Variants in PCDHGA10 observed in about 807,000 individuals in gnomAD.
PCDHGA10 encodes protocadherin gamma subfamily A, 10.
In PCDHGA10, 42 loss-of-function variants were observed where a neutral mutation model predicts 59.5. The observed-to-expected ratio is 0.71, with a 90% CI of 0.55 to 0.91. The LOEUF is 0.91. Among genes scored for constraint, PCDHGA10 ranks in the 40% least tolerant of loss-of-function variants. PCDHGA10 has a pLI of 0.00. For synonymous variants in PCDHGA10, 511 were observed against 517.2 expected, an observed-to-expected ratio of 0.99 and a Z score of 0.16; for missense variants, 1,111 against 1,198.2, an observed-to-expected ratio of 0.93 and a Z score of 1.07.
intron 1 of PCDHGA10, among the ~76,000 whole-genome samples, chr5:141,452,542 C>T (rs2098743637): frequency 6.6e-6 from 1 of 152,180 alleles, no homozygotes; most frequent in Admixed American, 6.6e-5. Flanking sequence ...CATATTGATA[C>T]CTCCAGTTCT....
Position 141,491,498 on chromosome 5 carries a change from C to G in PCDHGA10, c.2437-3309C>G. Reference sequence around the variant, plus strand: ...TCCAGCCCCAACCTGCAGGTGAGCTCGGACGGCACGCTCAAGTACATGGAG... The same window carrying G: ...TCCAGCCCCAACCTGCAGGTGAGCTGGGACGGCACGCTCAAGTACATGGAG... On this transcript the variant is annotated intron_variant, in intron 1 of 3. Transcript: ENST00000398610. The surrounding 1 kb of genome is among the most constrained non-coding windows in gnomAD (Gnocchi z 6.9). The G allele has an allele frequency of 6.2e-7, 1 of 1,614,102 alleles. No homozygotes were observed. Among genetic ancestry groups the G allele is most frequent in the Non-Finnish European group, 8.5e-7 (1 of 1,180,018 alleles).
chr5:141,474,093 C>G (rs2099341169), intron 1 of PCDHGA10, among the ~76,000 whole-genome samples: 1 of 152,098 alleles, frequency 6.6e-6, no homozygotes, highest in African/African-American at 2.4e-5. Flanking sequence ...AAAAAACAAA[C>G]AACAACAAAA....
intron 1 of PCDHGA10, chr5:141,440,587 A>G (rs566819394): frequency 1.3e-5 from 2 of 152,392 alleles, no homozygotes; most frequent in East Asian, 3.9e-4. Flanking sequence ...CCCAGCTGGA[A>G]CAAGATTTGC....
intron 1 of PCDHGA10, chr5:141,428,232 G>C (rs546567556): frequency 9.3e-7 from 1 of 1,071,494 alleles, no homozygotes; most frequent in African/African-American, 1.5e-5. Context: ...CAGACAGCCT[G>C]CAGGAGGCAC....
intron 1 of PCDHGA10, among the ~76,000 whole-genome samples, chr5:141,448,086 T>TA (rs558292628): frequency 0.011 from 1,579 of 146,268 alleles, 11 homozygotes; most frequent in Non-Finnish European, 0.016. Context: ...AATGCCATCT[T>TA]AAAAAAAAAA....
rs773893751 is a variant in PCDHGA10 at position 141,431,903 on chromosome 5, G to A, written c.2436+16292G>A. 2 of 1,613,916 alleles carry A rather than the reference G, an allele frequency of 1.2e-6. No individual in the cohort carries two copies. Among genetic ancestry groups the A allele is most frequent in the South Asian group, 2.2e-5 (2 of 91,080 alleles). ...CCAAGATTCTGAGGAAAACGGACAG[G>A]TGATCTGTTTCATCCAAGGAAATCT... On this transcript the variant is annotated intron_variant, in intron 1 of 3. Transcript: ENST00000398610. The surrounding 1 kb of genome is among the most constrained non-coding windows in gnomAD (Gnocchi z 4.8).
In PCDHGA10 at chr5:141,415,315, G is replaced by T. The variant is rs201784236; in HGVS notation, c.2140G>T (p.Val714Leu). 8.7e-6 allele frequency: 14 copies of T among 1,614,208 alleles called. No individual in the cohort carries two copies. Among genetic ancestry groups the T allele is most frequent in the African/African-American group, 4.0e-5 (3 of 75,066 alleles). Residue 714 changes from valine to leucine, a missense_variant, in exon 1 of 4, where the codon GTG (valine) becomes TTG (leucine). By Grantham distance (32) the Val-to-Leu change is conservative. Coordinates refer to ENST00000398610, the MANE Select transcript of PCDHGA10 (RefSeq NM_018913.3). ...CTGCGTCTTCCTGGCCTTCGTCATC[G>T]TGCTGCTGGCGCACAGGCTGCGGCG... ...VSCVFLAFVI[V>L]LLAHRLRRWH...
In PCDHGA10 at chr5:141,441,877, C is replaced by T. The variant is rs945298341; in HGVS notation, c.2436+26266C>T. ...GCTGCACGCCGCGGAGCCTGGCTACCTGGTCACCAAGGTGGTGGCTGTAGA... is the reference window on the plus strand; with the variant it reads ...GCTGCACGCCGCGGAGCCTGGCTACTTGGTCACCAAGGTGGTGGCTGTAGA... On this transcript the variant is annotated intron_variant, in intron 1 of 3. Transcript: ENST00000398610. 4 of 343,582 alleles carry T rather than the reference C, an allele frequency of 1.2e-5. No homozygotes were observed. In the Admixed American group the frequency reaches 1.6e-4, roughly 13 times the overall value. 21.3% of individuals were successfully genotyped at this position (343,582 alleles called of 1,614,324 possible).
At chr5:141,494,759 C>G (rs776923097) in intron 1 of PCDHGA10, 48 bp from the exon 2 acceptor site, 2 of 1,613,886 alleles carry the variant, frequency 1.2e-6, no homozygotes, top group Middle Eastern at 1.6e-4. Flanking sequence ...GGGTGACATT[C>G]TAACTTCTCA....
Position 141,487,501 on chromosome 5 carries a change from T to A in PCDHGA10, c.2437-7306T>A. 1 of 1,614,232 alleles carries A rather than the reference T, an allele frequency of 6.2e-7. No individual in the cohort carries two copies. Among genetic ancestry groups the A allele is most frequent in the Non-Finnish European group, 8.5e-7 (1 of 1,180,036 alleles). On this transcript the variant is annotated intron_variant, in intron 1 of 3. Transcript: ENST00000398610. This position sits in a 1 kb window ranked among gnomAD's most constrained non-coding sequence, Gnocchi z 5.0. ...ACTCTCATGGCTGTACACCCTTGGC[T>A]TCTGCACCCACTCGGAGTGATAGCT...
At chr5:141,427,659 G>A (rs546743297) in intron 1 of PCDHGA10, 3 of 742,336 alleles carry the variant, frequency 4.0e-6, no homozygotes, top group East Asian at 5.3e-5. Context: ...CGTGGTCCAC[G>A]TGGCCGAAAA....
chr5:141,460,092 T>C (rs186695697), intron 1 of PCDHGA10, among the ~76,000 whole-genome samples: 37 of 152,056 alleles, frequency 2.4e-4, no homozygotes, highest in Admixed American at 9.8e-4. Context: ...ATAATAATTA[T>C]ACATGTAATT....
intron 1 of PCDHGA10, among the ~76,000 whole-genome samples, chr5:141,436,175 A>G (rs1263518258): frequency 1.3e-5 from 2 of 152,192 alleles, no homozygotes; most frequent in Non-Finnish European, 2.9e-5. Flanking sequence ...CAGTTCTCAT[A>G]TATAGTCAAA....
In PCDHGA10 at chr5:141,450,548, G is replaced by A. The variant is rs186010209; in HGVS notation, c.2436+34937G>A. 3.3e-4 allele frequency among the ~76,000 whole-genome samples: 50 copies of A among 151,716 alleles called. 1 individual carries two copies. Among genetic ancestry groups the A allele is most frequent in the African/African-American group, 9.9e-4 (41 of 41,366 alleles). On this transcript the variant is annotated intron_variant, in intron 1 of 3. Transcript: ENST00000398610. ...GTCACCCAGGCTGGAATGCAGTGGC[G>A]CAGTCTCGGCTCACTGCAACTTCTG... is the stretch of plus-strand genomic sequence containing the variant.
chr5:141,468,443 G>A (rs760789357), intron 1 of PCDHGA10: 6 of 152,124 alleles, frequency 3.9e-5, no homozygotes, highest in Non-Finnish European at 8.8e-5. Context: ...AAATGTGGGT[G>A]CAAAATTAAA....
Position 141,490,618 on chromosome 5 carries a change from A to C in PCDHGA10, c.2437-4189A>C. The C allele has an allele frequency of 6.2e-7, 1 of 1,614,104 alleles. No homozygotes were observed. Among genetic ancestry groups the C allele is most frequent in the South Asian group, 1.1e-5 (1 of 91,080 alleles). ...ACCCCGCTTCAACCAGCAGCTTTAC[A>C]CTGCTTACATCCTAGAAAACCGGCC... On this transcript the variant is annotated intron_variant, in intron 1 of 3. Coordinates refer to ENST00000398610, the MANE Select transcript of PCDHGA10 (RefSeq NM_018913.3). This position sits in a 1 kb window ranked among gnomAD's most constrained non-coding sequence, Gnocchi z 5.4.
Position 141,413,082 on chromosome 5 carries a change from A to T in PCDHGA10, c.-94A>T. 8 of 1,344,446 alleles carry T rather than the reference A, an allele frequency of 6.0e-6. No individual in the cohort carries two copies. Among genetic ancestry groups the T allele is most frequent in the Non-Finnish European group, 8.1e-6 (8 of 987,854 alleles). The allele number at this position is 1,344,446 out of a possible 1,614,324, so 83.3% of individuals were successfully genotyped here. ...CCAGAATTTAAAGTGCCCAGGCTAC[A>T]GAGACACCCTGAAGCCACAGAAAGA... On this transcript the variant is annotated 5_prime_UTR_variant, in exon 1 of 4. Coordinates refer to ENST00000398610, the MANE Select transcript of PCDHGA10 (RefSeq NM_018913.3).
rs200757040 is a variant in PCDHGA10, at chr5:141,431,080, C to T, written c.2436+15469C>T. 3 of 1,614,044 alleles carry T rather than the reference C, an allele frequency of 1.9e-6. No homozygotes were observed. The highest frequency in any genetic ancestry group is 2.5e-6 in the Non-Finnish European group (3 of 1,180,010). ...CCATCAAGTGTCAATTAAATCTAGA[C>T]ATTCTGATGGAGGATAAAGTGAAAA... On this transcript the variant is annotated intron_variant, in intron 1 of 3. Coordinates refer to ENST00000398610, the MANE Select transcript of PCDHGA10 (RefSeq NM_018913.3). This position sits in a 1 kb window ranked among gnomAD's most constrained non-coding sequence, Gnocchi z 4.8.
chr5:141,478,013 C>G (rs768425714), intron 1 of PCDHGA10: 6 of 1,614,136 alleles, frequency 3.7e-6, no homozygotes. Flanking sequence ...TACTGCCCGT[C>G]CAGTCCAAGA....
Sources: gnomAD v4.1 joint callset for allele counts (sites outside exome capture counted in the v4.1 genomes callset) on GRCh38, gnomAD v4.1.1 for gene constraint, Gnocchi (gnomAD v3.1) non-coding constraint, MANE v1.5 for transcripts, NCBI Gene and HGNC (gene_info 2026-07-23, HGNC 2026-07-21) for gene names.